The following CMPK2 variants were observed in gnomAD, a reference collection of about 807,000 sequenced individuals.
CMPK2 encodes UMP-CMP kinase 2, mitochondrial.
CMPK2 carries 32 observed loss-of-function variants against 33.4 expected under a neutral mutation model. The observed-to-expected ratio is 0.96, with a 90% CI of 0.72 to 1.29. The LOEUF (loss-of-function observed/expected upper bound fraction) is 1.29, where lower values mean the gene tolerates loss of function less well. CMPK2 is among the 50% of genes most tolerant of loss of function. The probability of loss-of-function intolerance (pLI) is 0.00; values close to 1 mark genes in which losing one functional copy is unlikely to be tolerated. For synonymous variants in CMPK2, 299 were observed against 275.3 expected (o/e 1.09, Z -0.85); for missense variants, 672 against 616.0 (o/e 1.09, Z -0.96).
At chr2:6,850,973 A>G in intron 4 of CMPK2, 4 of 1,001,564 alleles carry the variant, frequency 4.0e-6, no homozygotes, top group Non-Finnish European at 4.8e-6. Flanking sequence ...AGTTATGTAC[A>G]TTTAGACAAA....
intron 3 of CMPK2, among the ~76,000 whole-genome samples, chr2:6,855,326 C>CCTGCCCCTGCCT (rs1328329576): frequency 7.4e-6 from 1 of 135,358 alleles, no homozygotes; most frequent in African/African-American, 2.5e-5. Context: ...TGCCTCTGCC[C>CCTGCCCCTGCCT]CTGCCCCTGC....
At chr2:6,856,851 T>A (rs1662717120) in intron 3 of CMPK2, among the ~76,000 whole-genome samples, 1 of 152,264 alleles carries the variant, frequency 6.6e-6, no homozygotes, top group Non-Finnish European at 1.5e-5. Context: ...ATATTTACAC[T>A]GCTGCTGTAT....
Position 6,849,928 on chromosome 2 carries a change from C to A in CMPK2, c.1272G>T (p.Val424=), listed in dbSNP as rs773721245. 6 of 1,614,152 alleles carry A rather than the reference C, an allele frequency of 3.7e-6. No individual in the cohort carries two copies. Among genetic ancestry groups the A allele is most frequent in the Non-Finnish European group, 4.2e-6 (5 of 1,180,026 alleles). The part of the protein sequence containing the change: ...YQRMENPGCH[V]VDASPSREKV... ...TTTCTCTGGAGGGGCTGGCATCAAC[C>A]ACATGGCAGCCAGGATTCTCCATCC... is the stretch of plus-strand genomic sequence containing the variant. The change falls in exon 5 of 5, where the codon GTG becomes GTT. Residue 424 remains valine (V), a synonymous_variant. Transcript: ENST00000256722.
At position 6,865,466 on chromosome 2, in the gene CMPK2, C is replaced by A. The variant is rs968754489; in HGVS notation, c.231G>T (p.Val77=). The A allele has an allele frequency of 7.0e-6, 9 of 1,277,522 alleles. No individual in the cohort carries two copies. In the African/African-American group the frequency reaches 1.4e-4, roughly 20 times the overall value. The allele number at this position is 1,277,522 out of a possible 1,614,324, so 79.1% of individuals were successfully genotyped here. The change falls in exon 1 of 5, where the codon GTG becomes GTT. Residue 77 remains valine (V), a synonymous_variant. Coordinates refer to ENST00000256722, the MANE Select transcript of CMPK2 (RefSeq NM_207315.4). ...GPPERSYSLC[V]PVTPDAGCGA... is the part of the protein sequence containing the mutation. ...CGCAGCCGGCGTCCGGGGTCACGGG[C>A]ACGCACAGCGAGTAGCTGCGCTCCG...
chr2:6,858,018 T>A (rs1483694644), intron 3 of CMPK2, among the ~76,000 whole-genome samples: 2 of 152,192 alleles, frequency 1.3e-5, no homozygotes, highest in Admixed American at 1.3e-4. Context: ...ATGAATGGCC[T>A]ACAAGCCCTA....
downstream of CMPK2, among the ~76,000 whole-genome samples, chr2:6,845,457 C>T (rs1408726364): frequency 2.0e-5 from 3 of 151,974 alleles, no homozygotes; most frequent in Admixed American, 2.0e-4. Flanking sequence ...AAAAGGCATT[C>T]CTCTTCTCCT....
downstream of CMPK2, among the ~76,000 whole-genome samples, chr2:6,848,058 A>G (rs1162559442): frequency 9.8e-5 from 15 of 152,330 alleles, no homozygotes; most frequent in East Asian, 2.7e-3. Flanking sequence ...TATACCTATC[A>G]GTATATAAAA....
At chr2:6,859,646 G>A (rs1226620369) in intron 3 of CMPK2, among the ~76,000 whole-genome samples, 1 of 152,194 alleles carries the variant, frequency 6.6e-6, no homozygotes. Flanking sequence ...CAAGAATGGA[G>A]GTTTGGGAAC....
At chr2:6,855,823 A>C (rs1662689244) in intron 3 of CMPK2, among the ~76,000 whole-genome samples, 1 of 152,152 alleles carries the variant, frequency 6.6e-6, no homozygotes, top group Admixed American at 6.5e-5. Flanking sequence ...CTCCACATAC[A>C]GTCAGGGTGG....
downstream of CMPK2, among the ~76,000 whole-genome samples, chr2:6,845,953 A>G (rs756469446): frequency 2.0e-5 from 3 of 152,022 alleles, no homozygotes; most frequent in Non-Finnish European, 2.9e-5. Flanking sequence ...CCAGCTGTTG[A>G]AAGTGGAGAT....
intron 3 of CMPK2, among the ~76,000 whole-genome samples, chr2:6,841,960 T>C (rs144768183): frequency 5.3e-5 from 8 of 152,252 alleles, no homozygotes; most frequent in Non-Finnish European, 7.4e-5. Context: ...AGAATCCATA[T>C]ATATGTTAAC....
chr2:6,861,489 A>T, intron 2 of CMPK2, 104 bp from the exon 3 acceptor site: 1 of 791,448 alleles, frequency 1.3e-6, no homozygotes, highest in Non-Finnish European at 2.1e-6. Flanking sequence ...TGAAATGAGT[A>T]GACTAAATAA....
chr2:6,846,672 A>G (rs1005391474), downstream of CMPK2, among the ~76,000 whole-genome samples: 3 of 152,208 alleles, frequency 2.0e-5, no homozygotes, highest in Non-Finnish European at 2.9e-5. Flanking sequence ...AGTTAGTCCA[A>G]GGGCCTTCAG....
At chr2:6,858,711 A>G (rs1188114261) in intron 3 of CMPK2, among the ~76,000 whole-genome samples, 2 of 152,234 alleles carry the variant, frequency 1.3e-5, no homozygotes, top group African/African-American at 2.4e-5. Context: ...CCTCAGCGAC[A>G]TGGAACTGTA....
In CMPK2 at chr2:6,865,103, G is replaced by A. The variant is rs1409045798; in HGVS notation, c.594C>T (p.Pro198=). ...GCAQVVPVPE[P]PLHPVVPDLP... ...AGTCTGGCACCACCGGGTGCAGCGG[G>A]GGCTCCGGGACGGGCACGACCTGTG... Residue 198 remains proline (P), a synonymous_variant, in exon 1 of 5, where the codon CCC becomes CCT. Coordinates refer to ENST00000256722, the MANE Select transcript of CMPK2 (RefSeq NM_207315.4). The A allele has an allele frequency of 2.0e-6, 3 of 1,505,298 alleles. No individual in the cohort carries two copies. The highest frequency in any genetic ancestry group is 2.5e-5 in the South Asian group (2 of 78,638). The allele number at this position is 1,505,298 out of a possible 1,614,324, so 93.2% of individuals were successfully genotyped here.
chr2:6,860,381 G>C (rs1370344110), intron 3 of CMPK2, among the ~76,000 whole-genome samples: 1 of 152,206 alleles, frequency 6.6e-6, no homozygotes, highest in African/African-American at 2.4e-5. Flanking sequence ...TGGTTTGGCT[G>C]TGTCCCCACC....
At chr2:6,854,736 G>A (rs1018770806) in intron 3 of CMPK2, among the ~76,000 whole-genome samples, 3 of 152,128 alleles carry the variant, frequency 2.0e-5, no homozygotes, top group Admixed American at 6.5e-5. Context: ...ATTATACACT[G>A]CTCATATAAT....
At chr2:6,848,073 C>T (rs2103216143), downstream of CMPK2, among the ~76,000 whole-genome samples, 1 of 152,148 alleles carries the variant, frequency 6.6e-6, no homozygotes, top group Non-Finnish European at 1.5e-5. Context: ...ATAAAAAGTC[C>T]AGGTGTAAAA....
Position 6,865,532 on chromosome 2 carries a change from T to C in CMPK2, c.165A>G (p.Ala55=). The change falls in exon 1 of 5, where the codon GCA becomes GCG. Residue 55 remains alanine, a synonymous_variant. Coordinates refer to ENST00000256722, the MANE Select transcript of CMPK2 (RefSeq NM_207315.4). The stretch of plus-strand genomic sequence containing the variant: ...CCGCCAGGCGGGGGTCGGGGGCGTC[T>C]GCGTCGCCGGGGGCGTCGGCGCCTA... The part of the protein sequence containing the change: ...FALGADAPGD[A]DAPDPRLAAL... 7.7e-7 allele frequency: 1 copy of C among 1,297,236 alleles called. No individual in the cohort carries two copies. The highest frequency in any genetic ancestry group is 2.3e-5 in the South Asian group (1 of 43,496). 80.4% of individuals were successfully genotyped at this position (1,297,236 alleles called of 1,614,324 possible).
Sources: gnomAD v4.1 joint callset for allele counts (sites outside exome capture counted in the v4.1 genomes callset) on GRCh38, gnomAD v4.1.1 for gene constraint, MANE v1.5 for transcripts, NCBI Gene and HGNC (gene_info 2026-07-23, HGNC 2026-07-21) for gene names.